The following RPH3AL variants were observed in gnomAD, a reference collection of about 807,000 sequenced individuals.
RPH3AL encodes the protein rabphilin 3A like (without C2 domains), also known as rab effector Noc2.
A neutral mutation model predicts 43.1 loss-of-function variants in RPH3AL; 38 were observed. The ratio of observed to expected loss-of-function variants is 0.88; its 90% CI spans 0.68 to 1.15. The LOEUF is 1.15. Among genes scored for constraint, RPH3AL ranks in the 50% most tolerant of loss-of-function variants. The pLI is 0.00. For synonymous variants in RPH3AL, 189 were observed against 176.3 expected (o/e 1.07, Z -0.57); for missense variants, 462 against 423.2 (o/e 1.09, Z -0.81).
At chr17:259,103 G>A (rs1204518928) in intron 6 of RPH3AL, among the ~76,000 whole-genome samples, 2 of 152,132 alleles carry the variant, frequency 1.3e-5, no homozygotes, top group African/African-American at 2.4e-5. Flanking sequence ...CATTGTAACG[G>A]GGCCTCGCTC....
chr17:341,551 TAAGG>T (rs1413132662), intron 1 of RPH3AL: 2 of 152,134 alleles, frequency 1.3e-5, no homozygotes, highest in East Asian at 3.8e-4. Context: ...GAAATTCGTA[TAAGG>T]AATGTCAGGG....
At chr17:318,315 A>T (rs1053193724) in intron 5 of RPH3AL, among the ~76,000 whole-genome samples, 1 of 152,300 alleles carries the variant, frequency 6.6e-6, no homozygotes, top group South Asian at 2.1e-4. Context: ...CTGGAGGCAG[A>T]GGTTGCAGTG....
At chr17:241,894 T>C (rs774697520) in intron 7 of RPH3AL, among the ~76,000 whole-genome samples, 7 of 152,042 alleles carry the variant, frequency 4.6e-5, no homozygotes, top group Non-Finnish European at 8.8e-5. Context: ...GGCAGGTGAA[T>C]TGTTTGAGGC....
At chr17:292,443 C>T (rs1378926789) in intron 5 of RPH3AL, among the ~76,000 whole-genome samples, 7 of 152,232 alleles carry the variant, frequency 4.6e-5, no homozygotes, top group African/African-American at 9.6e-5. Context: ...ACCAAGCTAG[C>T]TGTTTTATGC....
chr17:285,704 A>G (rs1490654223), intron 5 of RPH3AL, among the ~76,000 whole-genome samples: 1 of 152,184 alleles, frequency 6.6e-6, no homozygotes, highest in Admixed American at 6.5e-5. Flanking sequence ...ATACATTTTC[A>G]TCCTCACCGT....
rs1358340200 is a variant in RPH3AL at position 331,675 on chromosome 17, G to A, written c.-37+2084C>T. The A allele has an allele frequency of 6.2e-6, 8 of 1,287,936 alleles. No homozygotes were observed. The South Asian group carries it at 7.4e-5, about 12-fold the overall frequency. The allele number at this position is 1,287,936 out of a possible 1,614,324, so 79.8% of individuals were successfully genotyped here. On this transcript the variant is annotated intron_variant, in intron 2 of 9. Transcript: ENST00000331302. ...AGGCTCCCTGACTCGGCAGCAAGGA[G>A]GGCCTCATCAGCCGACCCCCATGCC... is the stretch of plus-strand genomic sequence containing the variant.
At chr17:297,497 G>A (rs1222491514) in intron 5 of RPH3AL, among the ~76,000 whole-genome samples, 2 of 152,208 alleles carry the variant, frequency 1.3e-5, no homozygotes, top group South Asian at 2.1e-4. Flanking sequence ...TGCTACCTCC[G>A]GGTAGACAGC....
At chr17:310,658 G>C (rs1310398078) in intron 5 of RPH3AL, among the ~76,000 whole-genome samples, 3 of 152,170 alleles carry the variant, frequency 2.0e-5, no homozygotes, top group Non-Finnish European at 4.4e-5. Flanking sequence ...AGCCCCCCAG[G>C]GCTGCCGCCT....
intron 7 of RPH3AL, among the ~76,000 whole-genome samples, chr17:223,285 A>G (rs1233404551): frequency 6.6e-6 from 1 of 152,186 alleles, no homozygotes; most frequent in Non-Finnish European, 1.5e-5. Flanking sequence ...ATAACATTTA[A>G]TTAAGTGATA....
At chr17:321,193 G>A in intron 4 of RPH3AL, 79 bp downstream of exon 4, 1 of 1,512,066 alleles carries the variant, frequency 6.6e-7, no homozygotes, top group South Asian at 1.2e-5. Context: ...AGGACCCGGA[G>A]TGCCGGCCTC....
rs1311326876 is a variant in RPH3AL at position 289,414 on chromosome 17, C to T, written c.352-7560G>A. On this transcript the variant is annotated intron_variant, in intron 5 of 9. Coordinates refer to ENST00000331302, the MANE Select transcript of RPH3AL (RefSeq NM_006987.4). This position sits in a 1 kb window ranked among gnomAD's most constrained non-coding sequence, Gnocchi z 5.2. Reference sequence around the variant, plus strand: ...GAACTCAAATCTCTCTCCAACCTCTCAATTCCCCTTCAGCCCCGTCCCTGA... The same window carrying T: ...GAACTCAAATCTCTCTCCAACCTCTTAATTCCCCTTCAGCCCCGTCCCTGA... 1.3e-5 allele frequency among the ~76,000 whole-genome samples: 2 copies of T among 152,150 alleles called. No homozygotes were observed. The highest frequency in any genetic ancestry group is 2.4e-5 in the African/African-American group (1 of 41,442).
Position 213,499 on chromosome 17 carries a change from C to G in RPH3AL, c.*353G>C. On this transcript the variant is annotated 3_prime_UTR_variant, in exon 10 of 10. Transcript: ENST00000331302. ...GCCATTAATATAGCAACGGAGATAG[C>G]CCCACCGGGCGGCCCCTCTGACACT... 1 of 386,620 alleles carries G rather than the reference C, an allele frequency of 2.6e-6. No homozygotes were observed. The allele number at this position is 386,620 out of a possible 1,614,324, so 23.9% of individuals were successfully genotyped here. A position where few individuals can be genotyped will look rare whatever the true frequency, so the allele number is the denominator to read the frequency against.
chr17:286,357 G>A (rs145058889), intron 5 of RPH3AL, among the ~76,000 whole-genome samples: 248 of 152,192 alleles, frequency 1.6e-3, no homozygotes, highest in African/African-American at 5.6e-3. Flanking sequence ...CTGTTTTCCC[G>A]CTACCAACCA....
intron 5 of RPH3AL, among the ~76,000 whole-genome samples, chr17:293,985 A>C (rs541832222): frequency 3.9e-5 from 6 of 152,314 alleles, no homozygotes; most frequent in Admixed American, 6.5e-5. Context: ...CTGAGATTGC[A>C]CCACTGCATT....
chr17:239,827 G>T (rs147101667), intron 7 of RPH3AL, among the ~76,000 whole-genome samples: 1 of 152,272 alleles, frequency 6.6e-6, no homozygotes, highest in Admixed American at 6.5e-5. Flanking sequence ...ACAGTGTCTC[G>T]TTACGTTGCC....
At chr17:263,072 C>A (rs373395181) in intron 6 of RPH3AL, among the ~76,000 whole-genome samples, 1 of 152,146 alleles carries the variant, frequency 6.6e-6, no homozygotes, top group East Asian at 1.9e-4. Flanking sequence ...GGGCACAAAT[C>A]ATAAAGCATG....
Position 262,425 on chromosome 17 carries a change from G to A in RPH3AL, c.439-15140C>T, listed in dbSNP as rs146093669. On this transcript the variant is annotated intron_variant, in intron 6 of 9. Coordinates refer to ENST00000331302, the MANE Select transcript of RPH3AL (RefSeq NM_006987.4). ...GAGACGGGGTTTCACCATGTTCGCC[G>A]GGCTGGTCTTGAACTGCTGACCTCG... Among the ~76,000 whole-genome samples the A allele has an allele frequency of 2.8e-3, 419 of 152,140 alleles. 5 individuals are homozygous for A. In the East Asian group the frequency reaches 0.03, roughly 11 times the overall value.
chr17:271,257 G>A (rs1174398525), intron 6 of RPH3AL, among the ~76,000 whole-genome samples: 5 of 152,274 alleles, frequency 3.3e-5, no homozygotes, highest in Admixed American at 1.3e-4. Context: ...TTGGCAATGC[G>A]GGCTCTTTTT....
chr17:350,215 G>A (rs762887373), intron 1 of RPH3AL, among the ~76,000 whole-genome samples: 4 of 152,074 alleles, frequency 2.6e-5, no homozygotes, highest in Admixed American at 2.0e-4. Flanking sequence ...GGCTGGGCGC[G>A]GTGGCTCACG....
Sources: allele counts gnomAD v4.1 joint callset (sites outside exome capture counted in the v4.1 genomes callset), GRCh38; gene constraint gnomAD v4.1.1; non-coding constraint Gnocchi (gnomAD v3.1); transcripts MANE v1.5; gene names NCBI Gene and HGNC (gene_info 2026-07-23, HGNC 2026-07-21).